METTL15: variants seen among roughly 807,000 people sequenced by gnomAD.
METTL15 encodes methyltransferase 15, mitochondrial 12S rRNA N4-cytidine.
METTL15 carries 34 observed loss-of-function variants against 38.3 expected under a neutral mutation model. That is an observed-to-expected ratio of 0.89 (90% CI 0.68 to 1.18). The LOEUF (loss-of-function observed/expected upper bound fraction) is 1.18. Among genes scored for constraint, METTL15 ranks in the 50% most tolerant of loss-of-function variants. METTL15 has a pLI of 0.00. For synonymous variants in METTL15, 162 were observed against 170.9 expected (o/e 0.95, Z 0.41); for missense variants, 438 against 498.4 (o/e 0.88, Z 1.15).
chr11:28,168,951 A>G (rs575084101), intron 3 of METTL15, among the ~76,000 whole-genome samples: 2 of 152,226 alleles, frequency 1.3e-5, no homozygotes, highest in South Asian at 4.1e-4. Context: ...GATTAGAATG[A>G]CCTTTGGGCC....
At chr11:28,341,177 G>T (rs1161117517) in intron 3 of METTL15, among the ~76,000 whole-genome samples, 2 of 152,136 alleles carry the variant, frequency 1.3e-5, no homozygotes, top group African/African-American at 4.8e-5. Flanking sequence ...TCAGAGGTTG[G>T]GGGGCTAGGG....
At chr11:28,314,778 T>C (rs762896010) in intron 6 of METTL15, among the ~76,000 whole-genome samples, 3 of 152,144 alleles carry the variant, frequency 2.0e-5, no homozygotes, top group East Asian at 3.9e-4. Flanking sequence ...TGGGAGATGA[T>C]TGAATTATGG....
At chr11:28,233,825 T>A (rs2133887355) in intron 4 of METTL15, among the ~76,000 whole-genome samples, 1 of 152,116 alleles carries the variant, frequency 6.6e-6, no homozygotes, top group Non-Finnish European at 1.5e-5. Flanking sequence ...TTATTATACT[T>A]TAAGTTTTAG....
intron 6 of METTL15, among the ~76,000 whole-genome samples, chr11:28,486,515 A>T (rs2133477716): frequency 6.6e-6 from 1 of 152,170 alleles, no homozygotes; most frequent in Non-Finnish European, 1.5e-5. Flanking sequence ...TGTCTGTGCC[A>T]ATGAGACTGA....
chr11:28,291,555 T>C (rs1427965365), intron 5 of METTL15, among the ~76,000 whole-genome samples: 1 of 152,144 alleles, frequency 6.6e-6, no homozygotes, highest in Non-Finnish European at 1.5e-5. Context: ...TGATACGACC[T>C]GTTAACTTGG....
chr11:28,335,859 G>A (rs74751811), downstream of METTL15, among the ~76,000 whole-genome samples: 572 of 152,170 alleles, frequency 3.8e-3, 2 homozygotes, highest in African/African-American at 0.013. Flanking sequence ...AACCATAAGC[G>A]AAATAAATTT....
At chr11:28,272,520 A>G (rs1356500957) in intron 4 of METTL15, among the ~76,000 whole-genome samples, 1 of 152,166 alleles carries the variant, frequency 6.6e-6, no homozygotes, top group Admixed American at 6.5e-5. Context: ...TTGAACAGTG[A>G]GAACACATGG....
intron 5 of METTL15, among the ~76,000 whole-genome samples, chr11:28,416,881 G>A (rs979312343): frequency 6.6e-6 from 1 of 152,124 alleles, no homozygotes; most frequent in African/African-American, 2.4e-5. Flanking sequence ...CTATTACTTA[G>A]GAAGACAAAT....
At chr11:28,282,736 T>C (rs1240859553) in intron 4 of METTL15, among the ~76,000 whole-genome samples, 2 of 152,192 alleles carry the variant, frequency 1.3e-5, no homozygotes, top group East Asian at 3.9e-4. Flanking sequence ...TGCTAAATGC[T>C]GGAGACATAT....
chr11:28,221,849 A>C (rs999576634), intron 4 of METTL15, among the ~76,000 whole-genome samples: 3 of 152,118 alleles, frequency 2.0e-5, no homozygotes, highest in African/African-American at 7.2e-5. Flanking sequence ...GTATCAGCAG[A>C]GGTGGCTGTA....
intron 6 of METTL15, among the ~76,000 whole-genome samples, chr11:28,320,582 G>A (rs1335585456): frequency 6.6e-6 from 1 of 151,904 alleles, no homozygotes; most frequent in Admixed American, 6.6e-5. Context: ...AAAAATACCT[G>A]TGCAGAAAGG....
At chr11:28,146,229 A>G (rs1441644773) in intron 3 of METTL15, among the ~76,000 whole-genome samples, 2 of 152,080 alleles carry the variant, frequency 1.3e-5, no homozygotes, top group African/African-American at 4.8e-5. Flanking sequence ...GGTTTTAACT[A>G]AGAAGGTTGG....
intron 6 of METTL15, among the ~76,000 whole-genome samples, chr11:28,467,326 C>T (rs1207480680): frequency 6.6e-6 from 1 of 152,170 alleles, no homozygotes; most frequent in South Asian, 2.1e-4. Flanking sequence ...TTTTTATTCT[C>T]AGCCTAAACA....
At chr11:28,400,295 G>T (rs1255900833) in intron 5 of METTL15, among the ~76,000 whole-genome samples, 1 of 151,698 alleles carries the variant, frequency 6.6e-6, no homozygotes, top group Non-Finnish European at 1.5e-5. Context: ...CTTCAGTGAC[G>T]CAAGCTTCGC....
chr11:28,253,403 T>A (rs1403568077), intron 4 of METTL15, among the ~76,000 whole-genome samples: 1 of 152,156 alleles, frequency 6.6e-6, no homozygotes, highest in Non-Finnish European at 1.5e-5. Context: ...AATAAGTACA[T>A]CGTGGAGAAT....
chr11:28,346,019 C>T (rs1849992888), intron 3 of METTL15, among the ~76,000 whole-genome samples: 1 of 152,150 alleles, frequency 6.6e-6, no homozygotes, highest in Admixed American at 6.6e-5. Flanking sequence ...GTCTTGAAGA[C>T]CAAATGTCAA....
intron 6 of METTL15, among the ~76,000 whole-genome samples, chr11:28,507,705 G>A (rs1851640339): frequency 6.6e-6 from 1 of 152,064 alleles, no homozygotes; most frequent in Non-Finnish European, 1.5e-5. Context: ...TTCCAGTCCT[G>A]GAAATAATCT....
At chr11:28,361,377 T>G (rs1410748162) in intron 4 of METTL15, among the ~76,000 whole-genome samples, 1 of 152,054 alleles carries the variant, frequency 6.6e-6, no homozygotes, top group Admixed American at 6.6e-5. Context: ...TGGTATCTCA[T>G]TGTGGTTTTG....
intron 6 of METTL15, among the ~76,000 whole-genome samples, chr11:28,474,222 G>A (rs2133466833): frequency 6.6e-6 from 1 of 151,442 alleles, no homozygotes; most frequent in East Asian, 1.9e-4. Flanking sequence ...TATTAAATAT[G>A]TCTATATAAC....
Sources: gnomAD v4.1 joint callset for allele counts (sites outside exome capture counted in the v4.1 genomes callset) on GRCh38, gnomAD v4.1.1 for gene constraint, MANE v1.5 for transcripts, NCBI Gene and HGNC (gene_info 2026-07-23, HGNC 2026-07-21) for gene names.